The following EYS variants were observed in gnomAD, a reference collection of about 807,000 sequenced individuals.
EYS encodes protein eyes shut homolog.
Under a neutral mutation model 282.1 loss-of-function variants are expected in EYS, and 250 were observed. The observed-to-expected ratio is 0.89, with a 90% CI of 0.80 to 0.98. The LOEUF is 0.98. Among genes scored for constraint, EYS ranks in the 50% least tolerant of loss-of-function variants. The pLI is 0.00. For missense variants in EYS, 4,016 were observed against 3,709.0 expected (o/e 1.08, Z -2.15); for synonymous variants, 1,355 against 1,282.9 (o/e 1.06, Z -1.20).
chr6:65,674,855 A>G (rs962315483), intron 1 of EYS, among the ~76,000 whole-genome samples: 2 of 152,082 alleles, frequency 1.3e-5, no homozygotes, highest in African/African-American at 4.8e-5. Context: ...CTATAATGGT[A>G]GCATATGAAT....
At chr6:64,458,085 C>A (rs950895516) in intron 26 of EYS, among the ~76,000 whole-genome samples, 5 of 152,002 alleles carry the variant, frequency 3.3e-5, no homozygotes, top group African/African-American at 1.2e-4. Flanking sequence ...CATTTACGGC[C>A]CACATTGTAA....
chr6:64,506,778 A>T (rs780315901), intron 26 of EYS, among the ~76,000 whole-genome samples: 11 of 151,822 alleles, frequency 7.2e-5, no homozygotes, highest in Non-Finnish European at 1.3e-4. Flanking sequence ...CTGTGGTGGC[A>T]AGCGGCTGTA....
intron 31 of EYS, among the ~76,000 whole-genome samples, chr6:64,139,466 A>T (rs1205135552): frequency 2.0e-5 from 3 of 152,056 alleles, no homozygotes; most frequent in Admixed American, 6.6e-5. Context: ...ATATTTTTTT[A>T]AAAAAAGAAT....
chr6:64,672,750 A>G (rs548649373), intron 22 of EYS, among the ~76,000 whole-genome samples: 1 of 152,240 alleles, frequency 6.6e-6, no homozygotes. Context: ...ACAACTAATA[A>G]ATTTCTCTTT....
intron 26 of EYS, among the ~76,000 whole-genome samples, chr6:64,528,377 C>G (rs1272196786): frequency 2.0e-5 from 3 of 151,870 alleles, no homozygotes; most frequent in East Asian, 3.9e-4. Context: ...TCCTTTATGG[C>G]TCTCAATTCC....
intron 1 of EYS, among the ~76,000 whole-genome samples, chr6:65,699,434 A>G (rs1488305729): frequency 6.6e-6 from 1 of 150,848 alleles, no homozygotes; most frequent in Admixed American, 6.6e-5. Flanking sequence ...TTACAAAACA[A>G]AAAAAAAAGA....
At chr6:64,532,352 C>A (rs940819640) in intron 26 of EYS, among the ~76,000 whole-genome samples, 3 of 152,150 alleles carry the variant, frequency 2.0e-5, no homozygotes, top group Non-Finnish European at 4.4e-5. Flanking sequence ...AACCAGTCTA[C>A]CTGCAGATTA....
chr6:64,008,299 T>G (rs1582122615), intron 33 of EYS, among the ~76,000 whole-genome samples: 1 of 152,220 alleles, frequency 6.6e-6, no homozygotes, highest in African/African-American at 2.4e-5. Flanking sequence ...TAGCTACCCC[T>G]GCTGTTTTCC....
chr6:64,241,504 G>T (rs538592605), intron 30 of EYS, among the ~76,000 whole-genome samples: 4 of 152,100 alleles, frequency 2.6e-5, no homozygotes, highest in Admixed American at 2.0e-4. Context: ...GTTTCTTCTA[G>T]ATTTTCTAGT....
chr6:65,587,664 C>T (rs753710814), intron 2 of EYS, among the ~76,000 whole-genome samples: 31 of 151,776 alleles, frequency 2.0e-4, no homozygotes, highest in Non-Finnish European at 3.2e-4. Flanking sequence ...ACACGAAAGG[C>T]GAACATAAAT....
intron 30 of EYS, among the ~76,000 whole-genome samples, chr6:64,283,179 C>G (rs1377342018): frequency 6.6e-6 from 1 of 152,060 alleles, no homozygotes; most frequent in African/African-American, 2.4e-5. Flanking sequence ...AAATATTCCC[C>G]CAAATATTGT....
intron 1 of EYS, among the ~76,000 whole-genome samples, chr6:65,661,449 G>A (rs1405324830): frequency 1.3e-5 from 2 of 151,912 alleles, no homozygotes; most frequent in Non-Finnish European, 2.9e-5. Flanking sequence ...ATGCTACAAT[G>A]TTAAAATACT....
At chr6:65,628,032 T>G (rs940682850) in intron 2 of EYS, among the ~76,000 whole-genome samples, 1 of 152,212 alleles carries the variant, frequency 6.6e-6, no homozygotes, top group African/African-American at 2.4e-5. Context: ...GTGGAGAGTC[T>G]TTATATCTAG....
chr6:65,545,612 A>G (rs1768356229), intron 2 of EYS, among the ~76,000 whole-genome samples: 1 of 152,176 alleles, frequency 6.6e-6, no homozygotes, highest in South Asian at 2.1e-4. Context: ...TTCAATATGT[A>G]TGTTGTATAT....
intron 33 of EYS, among the ~76,000 whole-genome samples, chr6:64,011,843 C>A (rs189486497): frequency 6.6e-6 from 1 of 152,232 alleles, no homozygotes. Context: ...GGGAATACTG[C>A]AAAATTGATG....
chr6:64,917,299 A>C (rs1439858691), intron 15 of EYS, among the ~76,000 whole-genome samples: 1 of 151,998 alleles, frequency 6.6e-6, no homozygotes, highest in Non-Finnish European at 1.5e-5. Flanking sequence ...AATAAATGTC[A>C]ATTTCTAATG....
chr6:65,435,646 A>T (rs555287190), intron 5 of EYS, among the ~76,000 whole-genome samples: 43 of 152,220 alleles, frequency 2.8e-4, no homozygotes, highest in African/African-American at 1.0e-3. Flanking sequence ...AATGAAAAAA[A>T]CCTTAATAGA....
intron 14 of EYS, among the ~76,000 whole-genome samples, chr6:64,969,600 C>T (rs961278487): frequency 1.8e-4 from 28 of 152,072 alleles, no homozygotes; most frequent in African/African-American, 6.3e-4. Context: ...TTCCCTGGAA[C>T]CCACTAGGAC....
At chr6:64,925,340 T>A (rs1768482204) in intron 15 of EYS, among the ~76,000 whole-genome samples, 1 of 152,176 alleles carries the variant, frequency 6.6e-6, no homozygotes, top group Non-Finnish European at 1.5e-5. Flanking sequence ...GGTGATACAA[T>A]TCAAGTTGAG....
Sources: gnomAD v4.1 joint callset for allele counts (sites outside exome capture counted in the v4.1 genomes callset) on GRCh38, gnomAD v4.1.1 for gene constraint, MANE v1.5 for transcripts, NCBI Gene and HGNC (gene_info 2026-07-23, HGNC 2026-07-21) for gene names.